Variants in TRDN observed in about 807,000 individuals in gnomAD.
TRDN encodes triadin in skeletal muscle.
A neutral mutation model predicts 149.7 loss-of-function variants in TRDN; 161 were observed. The ratio of observed to expected loss-of-function variants is 1.08; its 90% CI spans 0.95 to 1.23. TRDN has a LOEUF of 1.23. Among genes scored for constraint, TRDN ranks in the 50% most tolerant of loss-of-function variants. The pLI is 0.00. For synonymous variants in TRDN, 294 were observed against 250.5 expected (o/e 1.17, Z -1.64); for missense variants, 896 against 823.5 (o/e 1.09, Z -1.08).
intron 15 of TRDN, among the ~76,000 whole-genome samples, 164 bp downstream of exon 15, chr6:123,381,954 G>GCT (rs1554230321): frequency 2.3e-5 from 3 of 127,810 alleles, no homozygotes; most frequent in East Asian, 2.7e-4. Context: ...AATAGATTTG[G>GCT]CGCTCTCTCT....
intron 2 of TRDN, among the ~76,000 whole-genome samples, chr6:123,568,495 CA>C (rs1476373530): frequency 6.6e-6 from 1 of 152,236 alleles, no homozygotes; most frequent in Non-Finnish European, 1.5e-5. Context: ...GCCACTGCAA[CA>C]AGCTTCTGCC....
chr6:123,361,343 A>C (rs1434280269), intron 20 of TRDN, among the ~76,000 whole-genome samples: 1 of 152,038 alleles, frequency 6.6e-6, no homozygotes, highest in Non-Finnish European at 1.5e-5. Flanking sequence ...GAGAACAGGG[A>C]GGGGAACATC....
At chr6:123,227,406 C>A (rs1775416697) in intron 38 of TRDN, among the ~76,000 whole-genome samples, 1 of 151,716 alleles carries the variant, frequency 6.6e-6, no homozygotes, top group African/African-American at 2.4e-5. Flanking sequence ...CAATGAAGTC[C>A]CTAGGGGACA....
chr6:123,295,375 C>T (rs1778156477), intron 24 of TRDN, among the ~76,000 whole-genome samples: 1 of 152,200 alleles, frequency 6.6e-6, no homozygotes, highest in Admixed American at 6.5e-5. Flanking sequence ...ATCCCCAGAG[C>T]TGTAATGCTG....
intron 9 of TRDN, among the ~76,000 whole-genome samples, chr6:123,484,692 C>T (rs1777903494): frequency 6.6e-6 from 1 of 152,164 alleles, no homozygotes; most frequent in African/African-American, 2.4e-5. Flanking sequence ...AAAAAAGCCA[C>T]TTTAAGGAAA....
chr6:123,612,676 T>C (rs1259315502), intron 1 of TRDN, among the ~76,000 whole-genome samples: 4 of 151,616 alleles, frequency 2.6e-5, no homozygotes, highest in African/African-American at 9.8e-5. Flanking sequence ...TAGCTGGGAC[T>C]ACAGGCACGC....
At chr6:123,546,361 T>A (rs768469061) in intron 4 of TRDN, among the ~76,000 whole-genome samples, 12 of 152,112 alleles carry the variant, frequency 7.9e-5, no homozygotes, top group Non-Finnish European at 1.6e-4. Context: ...TAATTTAACA[T>A]ACACTAAGTG....
chr6:123,538,825 A>G (rs1297460384), intron 4 of TRDN, among the ~76,000 whole-genome samples: 1 of 152,184 alleles, frequency 6.6e-6, no homozygotes, highest in East Asian at 1.9e-4. Flanking sequence ...TAAATTTGTT[A>G]TCTCAGGTTA....
chr6:123,264,054 T>A (rs1776858170), intron 33 of TRDN, among the ~76,000 whole-genome samples: 1 of 152,102 alleles, frequency 6.6e-6, no homozygotes, highest in African/African-American at 2.4e-5. Flanking sequence ...ATTGCTTTCA[T>A]GCCTGTGAAC....
At chr6:123,538,769 A>G (rs1044043990) in intron 4 of TRDN, among the ~76,000 whole-genome samples, 5 of 152,296 alleles carry the variant, frequency 3.3e-5, no homozygotes, top group Middle Eastern at 3.4e-3. Context: ...AAAATTTTCA[A>G]AATAAATATA....
At chr6:123,357,981 T>C (rs1279979605) in intron 20 of TRDN, among the ~76,000 whole-genome samples, 1 of 152,186 alleles carries the variant, frequency 6.6e-6, no homozygotes, top group East Asian at 1.9e-4. Context: ...CTTTTCTGGT[T>C]CTAATGTAAA....
In TRDN at chr6:123,312,976, TA is replaced by T. The variant is rs1235797265; in HGVS notation, c.1510+3480del. Among the ~76,000 whole-genome samples, 7 of 152,080 alleles carry T rather than the reference TA, an allele frequency of 4.6e-5. No homozygotes were observed. The South Asian group carries it at 1.0e-3, about 22-fold the overall frequency. On this transcript the variant is annotated intron_variant, in intron 24 of 40. Coordinates refer to ENST00000334268, the MANE Select transcript of TRDN (RefSeq NM_006073.4). ...GTTGTTGATTGATCATATTGTATAA[TA>T]AAAAATGCCTTAATGCTGATTTATC...
intron 12 of TRDN, among the ~76,000 whole-genome samples, chr6:123,437,824 G>A (rs1264462530): frequency 1.3e-5 from 2 of 152,026 alleles, no homozygotes; most frequent in African/African-American, 2.4e-5. Flanking sequence ...ACATTCCTGC[G>A]TTTTTTTGGG....
At chr6:123,456,898 A>G (rs1430021514) in intron 10 of TRDN, 1 of 455,716 alleles carries the variant, frequency 2.2e-6, no homozygotes, top group Admixed American at 2.4e-5. Context: ...AGCTGGTATA[A>G]TAGGAAGAAA....
At chr6:123,618,661 C>T (rs1333685256) in intron 1 of TRDN, among the ~76,000 whole-genome samples, 1 of 152,178 alleles carries the variant, frequency 6.6e-6, no homozygotes, top group Non-Finnish European at 1.5e-5. Context: ...CTCTTATGCA[C>T]AGTTTGTTTA....
At chr6:123,494,558 A>G (rs1778352973) in intron 9 of TRDN, among the ~76,000 whole-genome samples, 2 of 152,222 alleles carry the variant, frequency 1.3e-5, no homozygotes, top group Non-Finnish European at 2.9e-5. Flanking sequence ...CTAATAGAAT[A>G]TGAAGAAAAT....
At chr6:123,516,111 T>C (rs1779399313) in intron 6 of TRDN, 30 bp downstream of exon 6, 4 of 1,455,856 alleles carry the variant, frequency 2.7e-6, no homozygotes, top group Non-Finnish European at 3.7e-6. Context: ...GGACTCAGTG[T>C]GTTAAACAGT....
chr6:123,274,770 G>T, intron 26 of TRDN, 100 bp from the exon 27 acceptor site: 2 of 1,157,756 alleles, frequency 1.7e-6, no homozygotes, highest in Non-Finnish European at 2.5e-6. Flanking sequence ...ATAATTGGGA[G>T]GATGAGGCAG....
intron 9 of TRDN, among the ~76,000 whole-genome samples, chr6:123,472,232 C>T (rs78542681): frequency 0.039 from 6,012 of 152,216 alleles, 350 homozygotes; most frequent in African/African-American, 0.12. Context: ...GCGCACCGTG[C>T]GCAAGCCAAA....
Sources: allele counts gnomAD v4.1 joint callset (sites outside exome capture counted in the v4.1 genomes callset), GRCh38; gene constraint gnomAD v4.1.1; transcripts MANE v1.5; gene names NCBI Gene and HGNC (gene_info 2026-07-23, HGNC 2026-07-21).